METTL16: variants seen among roughly 807,000 people sequenced by gnomAD.
The protein encoded by METTL16 is methyltransferase 16, RNA N6-adenosine.
A neutral mutation model predicts 57.9 loss-of-function variants in METTL16; 19 were observed. That is an observed-to-expected ratio of 0.33 (90% confidence interval 0.23 to 0.48). The LOEUF (loss-of-function observed/expected upper bound fraction) is 0.48. Among genes scored for constraint, METTL16 ranks in the 20% least tolerant of loss-of-function variants. METTL16 has a pLI of 0.99. For missense variants in METTL16, 434 were observed against 691.5 expected, an observed-to-expected ratio of 0.63 and a Z score of 4.18; for synonymous variants, 246 against 255.6, an observed-to-expected ratio of 0.96 and a Z score of 0.36.
Position 2,419,519 on chromosome 17 carries a change from T to G in METTL16, c.*451A>C. The G allele has an allele frequency of 2.4e-6, 1 of 419,166 alleles. No homozygotes were observed. Among genetic ancestry groups the G allele is most frequent in the Non-Finnish European group, 4.7e-6 (1 of 211,216 alleles). 26.0% of individuals were successfully genotyped at this position (419,166 alleles called of 1,614,324 possible). Reference sequence around the variant, plus strand: ...GCAAGGTAGGCCCCATCTTGAAGAGTGACCTAGAACAGGGTACCAGGGCCT... The same window carrying G: ...GCAAGGTAGGCCCCATCTTGAAGAGGGACCTAGAACAGGGTACCAGGGCCT... On this transcript the variant is annotated 3_prime_UTR_variant, in exon 10 of 10. Transcript: ENST00000263092.
intron 1 of METTL16, among the ~76,000 whole-genome samples, chr17:2,505,440 G>A (rs1219433050): frequency 9.9e-6 from 1 of 101,026 alleles, no homozygotes; most frequent in Non-Finnish European, 1.8e-5. Context: ...TTAGATACAT[G>A]GTTTCGTTAT....
At chr17:2,473,455 T>C in intron 4 of METTL16, 69 bp downstream of exon 4, 3 of 1,504,482 alleles carry the variant, frequency 2.0e-6, no homozygotes, top group Non-Finnish European at 1.8e-6. Context: ...AAAAAGGTAA[T>C]GAAATGCGTT....
intron 5 of METTL16, among the ~76,000 whole-genome samples, chr17:2,467,439 T>A (rs2067207270): frequency 6.6e-6 from 1 of 152,192 alleles, no homozygotes; most frequent in Non-Finnish European, 1.5e-5. Flanking sequence ...TTTTTTTTTC[T>A]TTTTGAGATA....
chr17:2,428,815 T>C lies in METTL16; in HGVS notation c.889-7911A>G, dbSNP rs562949564. On this transcript the variant is annotated intron_variant, in intron 8 of 9. Transcript: ENST00000263092. The stretch of plus-strand genomic sequence containing the variant: ...ACCAAACCACCCTCTTTGGTCACTT[T>C]TGGAAGATGCTAGGGAACCACCAAC... Among the ~76,000 whole-genome samples, 6 of 151,894 alleles carry C rather than the reference T, an allele frequency of 4.0e-5. No individual in the cohort carries two copies. The East Asian group carries it at 1.2e-3, about 29-fold the overall frequency.
chr17:2,447,970 T>C (rs865934573), intron 6 of METTL16, among the ~76,000 whole-genome samples: 32 of 81,624 alleles, frequency 3.9e-4, no homozygotes, highest in South Asian at 5.6e-4. Flanking sequence ...GCCCCCCGCC[T>C]GGCCAGCCGC....
chr17:2,492,355 T>C (rs1183707136), intron 2 of METTL16, among the ~76,000 whole-genome samples: 2 of 151,928 alleles, frequency 1.3e-5, no homozygotes, highest in Admixed American at 6.6e-5. Context: ...CTAATTGCAA[T>C]GGTCAGATAT....
At chr17:2,438,262 C>T (rs190893723) in intron 7 of METTL16, 64 bp from the exon 8 acceptor site, 207 of 1,154,214 alleles carry the variant, frequency 1.8e-4, no homozygotes, top group Admixed American at 5.2e-4. Context: ...TTTCTGGCTG[C>T]TGCGTCATGC....
At chr17:2,504,586 C>T (rs890519428) in intron 1 of METTL16, among the ~76,000 whole-genome samples, 7 of 152,136 alleles carry the variant, frequency 4.6e-5, no homozygotes, top group African/African-American at 9.7e-5. Flanking sequence ...GACAGTGTCT[C>T]ACTCTGTCAT....
chr17:2,490,652 C>T (rs1021175051), intron 2 of METTL16, among the ~76,000 whole-genome samples: 5 of 152,020 alleles, frequency 3.3e-5, no homozygotes, highest in Non-Finnish European at 7.4e-5. Flanking sequence ...AACCAGAAAA[C>T]AGGTCCTTGG....
chr17:2,453,715 AATT>A (rs1354070133), intron 6 of METTL16, among the ~76,000 whole-genome samples: 1 of 152,178 alleles, frequency 6.6e-6, no homozygotes, highest in South Asian at 2.1e-4. Flanking sequence ...TCCACGAATC[AATT>A]ATTACTATGA....
At chr17:2,485,199 C>G (rs1011546443) in intron 2 of METTL16, among the ~76,000 whole-genome samples, 3 of 152,146 alleles carry the variant, frequency 2.0e-5, no homozygotes, top group Non-Finnish European at 4.4e-5. Flanking sequence ...ACGCCGCATG[C>G]GAGGGATCTA....
intron 8 of METTL16, among the ~76,000 whole-genome samples, chr17:2,426,067 C>A (rs2066816177): frequency 1.4e-5 from 2 of 145,902 alleles, no homozygotes; most frequent in Admixed American, 6.8e-5. Context: ...TGAATGAAAT[C>A]ATTAAATTCT....
intron 8 of METTL16, among the ~76,000 whole-genome samples, chr17:2,428,593 ATATATATAT>A (rs1567881676): frequency 0.013 from 582 of 46,370 alleles, 45 homozygotes; most frequent in African/African-American, 0.059. Flanking sequence ...ATATATATAT[ATATATATAT>A]AAATTGTAAT....
chr17:2,488,367 GC>G (rs1381078802), intron 2 of METTL16, among the ~76,000 whole-genome samples: 1 of 152,114 alleles, frequency 6.6e-6, no homozygotes, highest in Admixed American at 6.5e-5. Flanking sequence ...GACCAGCCTG[GC>G]CAATATGGTG....
intron 1 of METTL16, among the ~76,000 whole-genome samples, chr17:2,506,933 C>A (rs1230372091): frequency 6.6e-6 from 1 of 151,794 alleles, no homozygotes; most frequent in Non-Finnish European, 1.5e-5. Context: ...CTCTGCCCGG[C>A]CGCCCCGTCT....
chr17:2,472,886 G>C (rs906089965), intron 4 of METTL16, among the ~76,000 whole-genome samples: 4 of 152,296 alleles, frequency 2.6e-5, no homozygotes, highest in African/African-American at 7.2e-5. Context: ...CGGCAGGGCA[G>C]TGAAACGATT....
At chr17:2,425,915 T>A (rs1290491829) in intron 8 of METTL16, among the ~76,000 whole-genome samples, 1 of 151,916 alleles carries the variant, frequency 6.6e-6, no homozygotes, top group African/African-American at 2.4e-5. Context: ...CAAATTTGAA[T>A]CTTCACTTTA....
intron 4 of METTL16, among the ~76,000 whole-genome samples, chr17:2,472,874 G>A (rs1011223766): frequency 1.3e-5 from 2 of 152,144 alleles, no homozygotes; most frequent in African/African-American, 4.8e-5. Flanking sequence ...AGGCACAGAA[G>A]ACGGCAGGGC....
intron 2 of METTL16, among the ~76,000 whole-genome samples, chr17:2,492,829 C>A (rs1195240599): frequency 1.4e-5 from 2 of 141,366 alleles, no homozygotes; most frequent in Non-Finnish European, 3.0e-5. Context: ...CCCCAGGAGG[C>A]AGAGGTTGCA....
Sources: gnomAD v4.1 joint callset for allele counts (sites outside exome capture counted in the v4.1 genomes callset) on GRCh38, gnomAD v4.1.1 for gene constraint, MANE v1.5 for transcripts, NCBI Gene and HGNC (gene_info 2026-07-23, HGNC 2026-07-21) for gene names.